ONECUT1: variants seen among roughly 807,000 people sequenced by gnomAD.
ONECUT1 encodes the protein hepatocyte nuclear factor 6.
Under a neutral mutation model 25.6 loss-of-function variants are expected in ONECUT1, and 12 were observed. That is an observed-to-expected ratio of 0.47 (90% CI 0.30 to 0.76). The LOEUF is 0.76. ONECUT1 is among the 30% of genes least tolerant of loss of function. The probability of loss-of-function intolerance (pLI) is 0.07; values close to 1 mark genes in which losing one functional copy is unlikely to be tolerated. For missense variants in ONECUT1, 620 were observed against 651.2 expected (o/e 0.95, Z 0.52); for synonymous variants, 285 against 270.2 (o/e 1.05, Z -0.54).
intron 1 of ONECUT1, among the ~76,000 whole-genome samples, chr15:52,771,436 AGTGTGT>A (rs60500029): frequency 0.021 from 3,044 of 144,946 alleles, 81 homozygotes; most frequent in East Asian, 0.13. Context: ...ATAAAAAGCA[AGTGTGT>A]GTGTGTGTGT....
intron 1 of ONECUT1, among the ~76,000 whole-genome samples, chr15:52,767,211 G>A (rs1162969959): frequency 2.6e-5 from 4 of 152,036 alleles, no homozygotes; most frequent in South Asian, 4.2e-4. Flanking sequence ...GGAGGACATC[G>A]GGAGGTACAC....
chr15:52,780,702 G>A, intron 1 of ONECUT1: 26 of 1,511,034 alleles, frequency 1.7e-5, no homozygotes, highest in Non-Finnish European at 2.3e-5. Flanking sequence ...TCACTAGGTG[G>A]CGCGCTTCGC....
At chr15:52,761,603 A>G (rs913418918) in intron 1 of ONECUT1, among the ~76,000 whole-genome samples, 5 of 152,218 alleles carry the variant, frequency 3.3e-5, no homozygotes, top group Admixed American at 2.6e-4. Flanking sequence ...CCCAGGATGC[A>G]GAAGTTGTAG....
chr15:52,766,789 T>A (rs113337506), intron 1 of ONECUT1, among the ~76,000 whole-genome samples: 23 of 152,232 alleles, frequency 1.5e-4, no homozygotes, highest in African/African-American at 5.1e-4. Context: ...GGGAAAGTCA[T>A]TGGAGCCTCT....
At chr15:52,759,789 T>TA (rs5812628) in intron 1 of ONECUT1, among the ~76,000 whole-genome samples, 3 of 151,308 alleles carry the variant, frequency 2.0e-5, no homozygotes, top group Non-Finnish European at 2.9e-5. Context: ...TTTTTTTTTT[T>TA]ATAGAGATGG....
rs775035798 is a variant in ONECUT1 at position 52,789,834 on chromosome 15, G to A, written c.51C>T (p.Ser17=). The A allele has an allele frequency of 8.4e-6, 13 of 1,542,250 alleles. No individual in the cohort carries two copies. The highest frequency in any genetic ancestry group is 1.1e-5 in the Non-Finnish European group (13 of 1,155,544). ...MEAIGELHGV[S]HEPVPAPADL... is the part of the protein sequence containing the mutation. Reference sequence around the variant, plus strand: ...CGGCAGGGGCGGGCACCGGCTCATGGCTCACCCCGTGCAGCTCGCCGATCG... The same window carrying A: ...CGGCAGGGGCGGGCACCGGCTCATGACTCACCCCGTGCAGCTCGCCGATCG... The change falls in exon 1 of 2, where the codon AGC becomes AGT. Residue 17 remains serine, a synonymous_variant. Transcript: ENST00000305901. This position sits in a 1 kb window ranked among gnomAD's most constrained non-coding sequence, Gnocchi z 4.1.
At chr15:52,785,150 C>G (rs2083866031) in intron 1 of ONECUT1, among the ~76,000 whole-genome samples, 1 of 152,382 alleles carries the variant, frequency 6.6e-6, no homozygotes, top group East Asian at 1.9e-4. Flanking sequence ...CCTAGGGCCC[C>G]GCACTCCTGC....
At chr15:52,785,441 G>T (rs2083868127) in intron 1 of ONECUT1, among the ~76,000 whole-genome samples, 1 of 152,170 alleles carries the variant, frequency 6.6e-6, no homozygotes, top group Admixed American at 6.5e-5. Context: ...GGGTTTGGAG[G>T]TTTCCTCGCC....
At chr15:52,772,128 C>T (rs1419528984) in intron 1 of ONECUT1, among the ~76,000 whole-genome samples, 1 of 151,900 alleles carries the variant, frequency 6.6e-6, no homozygotes, top group Admixed American at 6.6e-5. Flanking sequence ...GGTGCGGTGG[C>T]TCACGCCTGT....
rs575395500 is a variant in ONECUT1 at position 52,756,796 on chromosome 15, A to T, written c.*759T>A. 7.9e-5 allele frequency among the ~76,000 whole-genome samples: 12 copies of T among 152,242 alleles called. No homozygotes were observed. The highest frequency in any genetic ancestry group is 2.1e-4 in the South Asian group (1 of 4,828). The stretch of plus-strand genomic sequence containing the variant: ...TATAACTTTTCATAGTATCTTGTGT[A>T]AAAATAGCTTTGGTTATTAAAATCA... On this transcript the variant is annotated 3_prime_UTR_variant, in exon 2 of 2. Coordinates refer to ENST00000305901, the MANE Select transcript of ONECUT1 (RefSeq NM_004498.4).
At chr15:52,787,386 C>T (rs1484133590) in intron 1 of ONECUT1, among the ~76,000 whole-genome samples, 3 of 151,992 alleles carry the variant, frequency 2.0e-5, no homozygotes, top group African/African-American at 7.3e-5. Flanking sequence ...CTGGTCGGCA[C>T]CTGCCACCCC....
At chr15:52,777,737 C>CACACACACACACAAA (rs57187579) in intron 1 of ONECUT1, among the ~76,000 whole-genome samples, 5 of 103,452 alleles carry the variant, frequency 4.8e-5, no homozygotes, top group African/African-American at 2.2e-4. Flanking sequence ...CACACACACA[C>CACACACACACACAAA]AAAAAAACAT....
intron 1 of ONECUT1, among the ~76,000 whole-genome samples, chr15:52,763,734 A>C (rs1035588599): frequency 6.6e-6 from 1 of 152,228 alleles, no homozygotes; most frequent in Non-Finnish European, 1.5e-5. Context: ...TCCTTAGAAC[A>C]GTTTCTCAGA....
At chr15:52,757,970 C>T in intron 1 of ONECUT1, 123 bp from the exon 2 acceptor site, 1 of 1,007,108 alleles carries the variant, frequency 9.9e-7, no homozygotes, top group Non-Finnish European at 1.5e-6. Context: ...CTGACCTCTG[C>T]TTTAAGCACC....
chr15:52,765,138 G>T (rs752799763), intron 1 of ONECUT1, among the ~76,000 whole-genome samples: 3 of 152,214 alleles, frequency 2.0e-5, no homozygotes, highest in Non-Finnish European at 4.4e-5. Context: ...AATCCACAGG[G>T]ATAGAAAGCA....
At chr15:52,776,479 A>G (rs2083801642) in intron 1 of ONECUT1, among the ~76,000 whole-genome samples, 1 of 152,122 alleles carries the variant, frequency 6.6e-6, no homozygotes, top group African/African-American at 2.4e-5. Flanking sequence ...CTCAGAATCT[A>G]TTGCCACTTC....
intron 1 of ONECUT1, among the ~76,000 whole-genome samples, chr15:52,772,261 G>A (rs190823650): frequency 3.5e-4 from 54 of 152,232 alleles, no homozygotes; most frequent in African/African-American, 1.2e-3. Flanking sequence ...GGGCGTTGTG[G>A]CACACACCTG....
rs143611165 is a variant in ONECUT1, at chr15:52,756,116, G to A, written c.*1439C>T. ...ATACCAATAGATCAAAAGTCTTGTC[G>A]TCCACCAGAACACTGGCTTTTTTCT... On this transcript the variant is annotated 3_prime_UTR_variant, in exon 2 of 2. Transcript: ENST00000305901. Among the ~76,000 whole-genome samples, 162 of 152,192 alleles carry A rather than the reference G, an allele frequency of 1.1e-3. No individual in the cohort carries two copies. Among genetic ancestry groups the A allele is most frequent in the African/African-American group, 3.5e-3 (144 of 41,518 alleles).
chr15:52,786,140 G>A (rs1282624590), intron 1 of ONECUT1, among the ~76,000 whole-genome samples: 1 of 152,228 alleles, frequency 6.6e-6, no homozygotes, highest in Non-Finnish European at 1.5e-5. Flanking sequence ...CGGCCAAGGC[G>A]CTCTGCAATC....
Sources: allele counts gnomAD v4.1 joint callset (sites outside exome capture counted in the v4.1 genomes callset), GRCh38; gene constraint gnomAD v4.1.1; non-coding constraint Gnocchi (gnomAD v3.1); transcripts MANE v1.5; gene names NCBI Gene and HGNC (gene_info 2026-07-23, HGNC 2026-07-21).